APBA2: variants seen among roughly 807,000 people sequenced by gnomAD.
APBA2 encodes amyloid-beta A4 precursor protein-binding family A member 2.
A neutral mutation model predicts 75.0 loss-of-function variants in APBA2; 30 were observed. The observed-to-expected ratio is 0.40, with a 90% CI of 0.30 to 0.54. The LOEUF is 0.54. Ranked by LOEUF, APBA2 falls within the 20% of genes least tolerant of loss-of-function variation. The pLI, the probability that APBA2 is intolerant of heterozygous loss-of-function variation, is 0.49. For missense variants in APBA2, 801 were observed against 1,016.1 expected (o/e 0.79, Z 2.88); for synonymous variants, 444 against 409.6 (o/e 1.08, Z -1.01).
chr15:29,094,578 C>T (rs965631128), intron 8 of APBA2, among the ~76,000 whole-genome samples: 1 of 152,182 alleles, frequency 6.6e-6, no homozygotes, highest in Non-Finnish European at 1.5e-5. Flanking sequence ...CTGTGATGTT[C>T]CTGTTTTACG....
rs1422471253 is a variant in APBA2 at position 28,910,713 on chromosome 15, T to G, written c.-204-10927T>G. Among the ~76,000 whole-genome samples, 8 of 152,244 alleles carry G rather than the reference T, an allele frequency of 5.3e-5. No individual in the cohort carries two copies. The East Asian group carries it at 1.3e-3, about 26-fold the overall frequency. Reference sequence around the variant, plus strand: ...CTGGAGATCAGAACCATGTCTGGGCTTAACATCATCTTTGGAAATCCTAAA... The same window carrying G: ...CTGGAGATCAGAACCATGTCTGGGCGTAACATCATCTTTGGAAATCCTAAA... On this transcript the variant is annotated intron_variant, in intron 1 of 14. Transcript: ENST00000683413.
At chr15:28,993,055 GGCAGAT>G (rs2038319374) in intron 2 of APBA2, among the ~76,000 whole-genome samples, 1 of 152,212 alleles carries the variant, frequency 6.6e-6, no homozygotes, top group Non-Finnish European at 1.5e-5. Flanking sequence ...TGATGTGCTT[GGCAGAT>G]GCAGGAATGG....
intron 10 of APBA2, among the ~76,000 whole-genome samples, chr15:29,103,451 G>T (rs990508825): frequency 1.3e-4 from 20 of 152,196 alleles, no homozygotes; most frequent in Non-Finnish European, 2.6e-4. Flanking sequence ...AGTTGGGGCC[G>T]GCAGGGCGAC....
intron 4 of APBA2, among the ~76,000 whole-genome samples, chr15:29,062,822 A>G (rs985483643): frequency 6.6e-6 from 1 of 152,114 alleles, no homozygotes; most frequent in African/African-American, 2.4e-5. Context: ...CCGGCATCCC[A>G]CCCGGCTGCA....
chr15:28,995,708 C>G (rs999539560), intron 2 of APBA2, 45 bp from the exon 3 acceptor site: 1 of 152,140 alleles, frequency 6.6e-6, no homozygotes, highest in African/African-American at 2.4e-5. Flanking sequence ...TGTATCATTG[C>G]TGAAGTGAAA....
chr15:28,922,433 G>T (rs573624378), intron 2 of APBA2, among the ~76,000 whole-genome samples: 1 of 152,298 alleles, frequency 6.6e-6, no homozygotes, highest in South Asian at 2.1e-4. Flanking sequence ...CGAGCTGCCT[G>T]CAGGGTCTGG....
chr15:29,093,801 G>T (rs1022280311), intron 7 of APBA2, among the ~76,000 whole-genome samples: 13 of 152,120 alleles, frequency 8.5e-5, no homozygotes, highest in African/African-American at 3.1e-4. Context: ...CAGCCCAGGG[G>T]TGAGAAATGG....
At chr15:28,888,752 C>T (rs1456090512) in intron 1 of APBA2, among the ~76,000 whole-genome samples, 7 of 152,096 alleles carry the variant, frequency 4.6e-5, no homozygotes, top group East Asian at 1.9e-4. Flanking sequence ...GCCTGGGTGG[C>T]GGGCGGTCCT....
intron 6 of APBA2, among the ~76,000 whole-genome samples, chr15:29,077,694 A>G (rs2042910011): frequency 6.6e-6 from 1 of 152,222 alleles, no homozygotes; most frequent in Non-Finnish European, 1.5e-5. Flanking sequence ...AGCTAGAACC[A>G]ATGTGGAAAA....
intron 3 of APBA2, among the ~76,000 whole-genome samples, chr15:29,013,874 G>A (rs1321736489): frequency 6.6e-6 from 1 of 152,216 alleles, no homozygotes; most frequent in Non-Finnish European, 1.5e-5. Context: ...TTGCTTCAGA[G>A]ATGAAGTTTG....
At chr15:29,056,059 T>C (rs1250826089) in intron 4 of APBA2, among the ~76,000 whole-genome samples, 1 of 152,162 alleles carries the variant, frequency 6.6e-6, no homozygotes, top group Non-Finnish European at 1.5e-5. Flanking sequence ...TGAAGGCACC[T>C]CAGGGATTGA....
intron 2 of APBA2, among the ~76,000 whole-genome samples, chr15:28,946,763 A>G (rs540691608): frequency 1.3e-5 from 2 of 152,162 alleles, no homozygotes; most frequent in South Asian, 4.2e-4. Context: ...TTTTTTTGTA[A>G]AGATAAGGTC....
chr15:28,999,635 A>G (rs1161129597), intron 3 of APBA2, among the ~76,000 whole-genome samples: 1 of 152,158 alleles, frequency 6.6e-6, no homozygotes, highest in Non-Finnish European at 1.5e-5. Flanking sequence ...GGTGTTATCT[A>G]GTAAGGTTGA....
Position 29,117,753 on chromosome 15 carries a change from G to T in APBA2, c.*620G>T, listed in dbSNP as rs982657946. On this transcript the variant is annotated 3_prime_UTR_variant, in exon 15 of 15. Transcript: ENST00000683413. ...ATTTAGATGCTATTATTACTGTTTGGACTTTTATTTTGGCAGGCTTTTTTC... is the reference window on the plus strand; with the variant it reads ...ATTTAGATGCTATTATTACTGTTTGTACTTTTATTTTGGCAGGCTTTTTTC... The T allele has an allele frequency of 6.6e-6, 1 of 151,662 alleles. No homozygotes were observed. Among genetic ancestry groups the T allele is most frequent in the African/African-American group, 2.4e-5 (1 of 41,290 alleles). The allele number at this position is 151,662 out of a possible 1,614,324, so 9.4% of individuals were successfully genotyped here. A position where few individuals can be genotyped will look rare whatever the true frequency, so the allele number is the denominator to read the frequency against.
chr15:29,010,597 GATGTAC>G (rs1308762306), intron 3 of APBA2, among the ~76,000 whole-genome samples: 2 of 152,130 alleles, frequency 1.3e-5, no homozygotes, highest in African/African-American at 4.8e-5. Context: ...ACCTTTGCTA[GATGTAC>G]ATATTACAAA....
intron 1 of APBA2, among the ~76,000 whole-genome samples, chr15:28,890,074 CAT>C (rs938983547): frequency 7.9e-5 from 12 of 152,204 alleles, no homozygotes; most frequent in African/African-American, 1.2e-4. Flanking sequence ...CCTTGCAGCA[CAT>C]GTCCTGCTCC....
chr15:29,101,525 C>G (rs1437689462), intron 9 of APBA2, 74 bp from the exon 10 acceptor site: 1 of 1,521,528 alleles, frequency 6.6e-7, no homozygotes, highest in East Asian at 2.4e-5. Flanking sequence ...AGCCACCATG[C>G]CCAGCCCTGG....
chr15:29,060,248 T>C (rs954753176), intron 4 of APBA2, among the ~76,000 whole-genome samples: 2 of 152,114 alleles, frequency 1.3e-5, no homozygotes, highest in African/African-American at 2.4e-5. Context: ...GCCAGCACCA[T>C]GTTAGGGGTG....
intron 2 of APBA2, among the ~76,000 whole-genome samples, chr15:28,968,171 T>A (rs1335748346): frequency 2.6e-5 from 4 of 152,236 alleles, no homozygotes; most frequent in African/African-American, 7.2e-5. Context: ...CACATTTTGT[T>A]TATCCATTCA....
Sources: gnomAD v4.1 joint callset for allele counts (sites outside exome capture counted in the v4.1 genomes callset) on GRCh38, gnomAD v4.1.1 for gene constraint, MANE v1.5 for transcripts, NCBI Gene and HGNC (gene_info 2026-07-23, HGNC 2026-07-21) for gene names.